Variants in SHLD1 observed in about 807,000 individuals in gnomAD.
SHLD1 encodes shieldin complex subunit 1.
In SHLD1, 3 loss-of-function variants were observed where a neutral mutation model predicts 5.5. The observed-to-expected ratio is 0.54, with a 90% CI of 0.25 to 1.40. The LOEUF (loss-of-function observed/expected upper bound fraction) is 1.40. SHLD1 is among the 40% of genes most tolerant of loss of function. The pLI, the probability that SHLD1 is intolerant of heterozygous loss-of-function variation, is 0.15. For missense variants in SHLD1, 210 were observed against 244.4 expected (o/e 0.86, Z 0.94); for synonymous variants, 92 against 94.3 (o/e 0.98, Z 0.14).
intron 1 of SHLD1, among the ~76,000 whole-genome samples, chr20:5,770,189 A>C (rs1049147187): frequency 2.2e-4 from 33 of 152,240 alleles, no homozygotes; most frequent in African/African-American, 6.7e-4. Context: ...GATCCTTGAT[A>C]GTGTTTTTTG....
chr20:5,781,197 C>T (rs1226427993), intron 2 of SHLD1, among the ~76,000 whole-genome samples: 1 of 152,152 alleles, frequency 6.6e-6, no homozygotes, highest in African/African-American at 2.4e-5. Context: ...TCCCCTCAGC[C>T]CTTCCTAGTG....
At chr20:5,764,075 C>T (rs1338466375) in intron 1 of SHLD1, among the ~76,000 whole-genome samples, 2 of 140,922 alleles carry the variant, frequency 1.4e-5, no homozygotes, top group Non-Finnish European at 3.0e-5. Context: ...TGCTGTGAGT[C>T]GAGATCGTGC....
At chr20:5,862,877 G>T in intron 2 of SHLD1, 147 bp from the exon 3 acceptor site, 1 of 712,638 alleles carries the variant, frequency 1.4e-6, no homozygotes, top group Non-Finnish European at 2.3e-6. Flanking sequence ...GGTGAGAACA[G>T]ATTTTGAAAT....
chr20:5,785,333 T>C (rs2122286574), intron 2 of SHLD1, among the ~76,000 whole-genome samples: 1 of 152,340 alleles, frequency 6.6e-6, no homozygotes, highest in South Asian at 2.1e-4. Context: ...AATCCTATTA[T>C]GATCTCCTTG....
intron 1 of SHLD1, among the ~76,000 whole-genome samples, chr20:5,764,143 T>A (rs868414438): frequency 2.5e-3 from 119 of 48,362 alleles, no homozygotes; most frequent in African/African-American, 8.7e-3. Flanking sequence ...AAAAAAAATA[T>A]ATATATATTT....
chr20:5,817,641 A>T (rs1412835219), intron 2 of SHLD1, among the ~76,000 whole-genome samples: 1 of 152,102 alleles, frequency 6.6e-6, no homozygotes, highest in Admixed American at 6.6e-5. Flanking sequence ...CTGTCAGAAC[A>T]TGCATGTCTC....
At chr20:5,796,243 CAG>C (rs2087210527) in intron 2 of SHLD1, among the ~76,000 whole-genome samples, 1 of 152,034 alleles carries the variant, frequency 6.6e-6, no homozygotes, top group African/African-American at 2.4e-5. Flanking sequence ...TACAAGACCT[CAG>C]AGTTTTCTTA....
Position 5,863,349 on chromosome 20 carries a change from C to A in SHLD1, c.504C>A (p.His168Gln). 1.2e-6 allele frequency: 2 copies of A among 1,614,248 alleles called. No homozygotes were observed. Among genetic ancestry groups the A allele is most frequent in the Non-Finnish European group, 1.7e-6 (2 of 1,180,040 alleles). Residue 168 changes from histidine to glutamine, a missense_variant, in exon 3 of 3, where the codon CAC becomes CAA. Coordinates refer to ENST00000303142, the MANE Select transcript of SHLD1 (RefSeq NM_152504.4). ...TACAGAGGCATTCCAGGGACACCCACTTCTACCCACTGGAGGAAGGAAGTA... is the reference window on the plus strand; with the variant it reads ...TACAGAGGCATTCCAGGGACACCCAATTCTACCCACTGGAGGAAGGAAGTA... Reference protein sequence around the residue: ...SVLQRHSRDTHFYPLEEGSTS... With the variant: ...SVLQRHSRDTQFYPLEEGSTS...
At chr20:5,754,875 G>T (rs1238219455) in intron 1 of SHLD1, among the ~76,000 whole-genome samples, 1 of 152,118 alleles carries the variant, frequency 6.6e-6, no homozygotes, top group African/African-American at 2.4e-5. Context: ...GGCCAACATG[G>T]TGAAACCCCA....
chr20:5,751,530 C>T (rs1983748728), intron 1 of SHLD1, among the ~76,000 whole-genome samples: 1 of 152,158 alleles, frequency 6.6e-6, no homozygotes, highest in Non-Finnish European at 1.5e-5. Flanking sequence ...TGGTCTTGAA[C>T]TCCTCAGCTC....
chr20:5,828,960 C>T (rs2122433522), intron 2 of SHLD1, among the ~76,000 whole-genome samples: 1 of 152,300 alleles, frequency 6.6e-6, no homozygotes, highest in East Asian at 1.9e-4. Context: ...GCAGCCTCAA[C>T]ATCCCCAGGC....
chr20:5,863,391 AAAGC>A lies in SHLD1; in HGVS notation c.547_550del (p.Lys183GlnfsTer18), dbSNP rs1302346435. 1 of 1,613,986 alleles carries A rather than the reference AAAGC, an allele frequency of 6.2e-7. No homozygotes were observed. Among genetic ancestry groups the A allele is most frequent in the Non-Finnish European group, 8.5e-7 (1 of 1,180,002 alleles). Reference sequence around the variant, plus strand: ...AAGGAAGTACATCTTTGGATGATGAAAAGCCAAACCCAGGACTGTCAAAGGATAT... The same window carrying A: ...AAGGAAGTACATCTTTGGATGATGAACAAACCCAGGACTGTCAAAGGATAT... On this transcript the variant is annotated frameshift_variant, in exon 3 of 3. Coordinates refer to ENST00000303142, the MANE Select transcript of SHLD1 (RefSeq NM_152504.4). LOFTEE classifies it high-confidence loss of function.
At chr20:5,859,892 C>T (rs1241685429) in intron 2 of SHLD1, among the ~76,000 whole-genome samples, 2 of 152,120 alleles carry the variant, frequency 1.3e-5, no homozygotes, top group South Asian at 2.1e-4. Flanking sequence ...CACTGGATTT[C>T]AAAATTTTTA....
intron 2 of SHLD1, among the ~76,000 whole-genome samples, chr20:5,817,566 C>T (rs2087553150): frequency 6.6e-6 from 1 of 151,684 alleles, no homozygotes; most frequent in African/African-American, 2.4e-5. Flanking sequence ...TAGCTTGCTA[C>T]CAAGGTTTAG....
intron 2 of SHLD1, among the ~76,000 whole-genome samples, chr20:5,858,461 T>C (rs540807465): frequency 6.6e-6 from 1 of 152,228 alleles, no homozygotes; most frequent in East Asian, 1.9e-4. Context: ...AAGTGCTCCA[T>C]GCCAGTTGAC....
chr20:5,784,666 G>A (rs1460701582), intron 2 of SHLD1, among the ~76,000 whole-genome samples: 2 of 152,030 alleles, frequency 1.3e-5, no homozygotes, highest in Admixed American at 6.6e-5. Flanking sequence ...TAGCCAGGTT[G>A]GTCTCGATCG....
chr20:5,850,301 G>A (rs1245387037), intron 2 of SHLD1, among the ~76,000 whole-genome samples: 2 of 151,652 alleles, frequency 1.3e-5, no homozygotes, highest in Non-Finnish European at 2.9e-5. Flanking sequence ...TGGCTTCTTA[G>A]TCTAGCCCCC....
chr20:5,762,201 G>A (rs1485700569), intron 1 of SHLD1, among the ~76,000 whole-genome samples: 3 of 151,476 alleles, frequency 2.0e-5, no homozygotes, highest in Admixed American at 6.6e-5. Flanking sequence ...GCAGTGAGCC[G>A]AGATTGCACA....
Position 5,863,320 on chromosome 20 carries a change from G to T in SHLD1, c.475G>T (p.Val159Phe), listed in dbSNP as rs200025928. 3.3e-5 allele frequency: 53 copies of T among 1,614,196 alleles called. No individual in the cohort carries two copies. Among genetic ancestry groups the T allele is most frequent in the Non-Finnish European group, 4.3e-5 (51 of 1,180,022 alleles). Residue 159 changes from valine (V) to phenylalanine (F), a missense_variant, in exon 3 of 3, where the codon GTC becomes TTC. Physicochemically the swap from Val to Phe is conservative, Grantham distance 50. Transcript: ENST00000303142. ...RVIFNRDGCS[V>F]LQRHSRDTHF... ...GATCTTCAACCGGGACGGCTGCTCC[G>T]TCTTACAGAGGCATTCCAGGGACAC...
Sources: allele counts gnomAD v4.1 joint callset (sites outside exome capture counted in the v4.1 genomes callset), GRCh38; gene constraint gnomAD v4.1.1; transcripts MANE v1.5; gene names NCBI Gene and HGNC (gene_info 2026-07-23, HGNC 2026-07-21).